ARHGAP44: variants seen among roughly 807,000 people sequenced by gnomAD.
ARHGAP44 encodes the protein Rho GTPase activating protein 44.
ARHGAP44 carries 43 observed loss-of-function variants against 106.8 expected under a neutral mutation model. The ratio of observed to expected loss-of-function variants is 0.40; its 90% CI spans 0.32 to 0.52. The LOEUF (loss-of-function observed/expected upper bound fraction) is 0.52. Among genes scored for constraint, ARHGAP44 ranks in the 20% least tolerant of loss-of-function variants. The pLI is 0.48. For missense variants in ARHGAP44, 866 were observed against 1,050.5 expected (o/e 0.82, Z 2.43); for synonymous variants, 439 against 410.3 (o/e 1.07, Z -0.85).
At chr17:12,798,085 T>C (rs1250124802) in intron 1 of ARHGAP44, among the ~76,000 whole-genome samples, 1 of 152,226 alleles carries the variant, frequency 6.6e-6, no homozygotes, top group Non-Finnish European at 1.5e-5. Context: ...TATTTTTAAA[T>C]ACTTTTTTTA....
At chr17:12,796,201 C>A (rs903669322) in intron 1 of ARHGAP44, among the ~76,000 whole-genome samples, 5 of 151,842 alleles carry the variant, frequency 3.3e-5, no homozygotes, top group African/African-American at 1.2e-4. Context: ...ACTCTGTATA[C>A]TGTTTTGTAA....
At chr17:12,926,006 G>A (rs1224283508) in intron 6 of ARHGAP44, among the ~76,000 whole-genome samples, 1 of 152,070 alleles carries the variant, frequency 6.6e-6, no homozygotes, top group African/African-American at 2.4e-5. Context: ...GTTTACCTTG[G>A]TATTTTGTTT....
chr17:12,890,926 G>T (rs1257607833), intron 1 of ARHGAP44, among the ~76,000 whole-genome samples: 1 of 152,104 alleles, frequency 6.6e-6, no homozygotes, highest in Non-Finnish European at 1.5e-5. Flanking sequence ...TAAAACCCTT[G>T]GGGATGGACA....
At chr17:12,968,474 C>T (rs1223068249) in intron 16 of ARHGAP44, among the ~76,000 whole-genome samples, 3 of 152,174 alleles carry the variant, frequency 2.0e-5, no homozygotes, top group Non-Finnish European at 1.5e-5. Context: ...GACAAGATGA[C>T]CCTTCTGACT....
intron 1 of ARHGAP44, among the ~76,000 whole-genome samples, chr17:12,815,622 A>G (rs1275296224): frequency 6.6e-6 from 1 of 152,194 alleles, no homozygotes; most frequent in African/African-American, 2.4e-5. Context: ...CTCCAAATCA[A>G]AGCAAGTAAG....
Position 12,941,122 on chromosome 17 carries a change from A to T in ARHGAP44, c.649A>T (p.Thr217Ser). The T allele has an allele frequency of 6.2e-7, 1 of 1,613,900 alleles. No individual in the cohort carries two copies. The highest frequency in any genetic ancestry group is 8.5e-7 in the Non-Finnish European group (1 of 1,179,772). ...AATTGACTATGCAAACTACTTTCAA[A>T]CGGTAAGTGCCCAGAAAGGTGAGAT... ...KEIDYANYFQ[T>S]LIEVQAEYHR... is the part of the protein sequence containing the mutation. The change falls in exon 8 of 21, where the codon ACG (threonine) becomes TCG (serine). Residue 217 changes from threonine to serine, a missense_variant and splice_region_variant. Thr to Ser is a moderately conservative substitution (Grantham distance 58). This residue lies in a region of ARHGAP44 where 448 missense variants were observed against 646.9 expected (regional missense o/e 0.69). Transcript: ENST00000379672.
rs541693275 is a variant in ARHGAP44 at position 12,841,240 on chromosome 17, C to G, written c.53+51349C>G. Among the ~76,000 whole-genome samples, 18 of 152,230 alleles carry G rather than the reference C, an allele frequency of 1.2e-4. No individual in the cohort carries two copies. In the East Asian group the frequency reaches 3.5e-3, roughly 29 times the overall value. On this transcript the variant is annotated intron_variant, in intron 1 of 20. Coordinates refer to ENST00000379672, the MANE Select transcript of ARHGAP44 (RefSeq NM_014859.6). Reference sequence around the variant, plus strand: ...AATATGCTATGGAGGAAATTCACCTCGAGAGTGAGGGCCCAGAACTAGGAA... The same window carrying G: ...AATATGCTATGGAGGAAATTCACCTGGAGAGTGAGGGCCCAGAACTAGGAA...
At chr17:12,845,212 T>TAA (rs11459997) in intron 1 of ARHGAP44, among the ~76,000 whole-genome samples, 9 of 151,716 alleles carry the variant, frequency 5.9e-5, no homozygotes, top group East Asian at 1.9e-4. Flanking sequence ...TCATTTACTT[T>TAA]AAAAAAAATC....
chr17:12,844,763 T>C (rs113321802), intron 1 of ARHGAP44, among the ~76,000 whole-genome samples: 4,274 of 152,282 alleles, frequency 0.028, 189 homozygotes, highest in African/African-American at 0.094. Flanking sequence ...TTTTTATTTA[T>C]TTTTATTTTT....
chr17:12,955,775 T>A, intron 13 of ARHGAP44, 92 bp from the exon 14 acceptor site: 1 of 716,798 alleles, frequency 1.4e-6, no homozygotes. Context: ...GTCAGTGAGA[T>A]ATGTGACATG....
At chr17:12,869,864 C>T (rs1282174669) in intron 1 of ARHGAP44, among the ~76,000 whole-genome samples, 3 of 151,836 alleles carry the variant, frequency 2.0e-5, no homozygotes, top group African/African-American at 7.3e-5. Context: ...AATAGCTTTA[C>T]ATGTCAAATA....
At chr17:12,848,536 A>T (rs895839759) in intron 1 of ARHGAP44, among the ~76,000 whole-genome samples, 6 of 151,642 alleles carry the variant, frequency 4.0e-5, no homozygotes, top group Admixed American at 2.6e-4. Flanking sequence ...TTCATGCCAA[A>T]ACCCGTGATT....
intron 16 of ARHGAP44, among the ~76,000 whole-genome samples, chr17:12,963,731 C>T (rs537440955): frequency 7.2e-5 from 11 of 152,158 alleles, no homozygotes; most frequent in Non-Finnish European, 1.6e-4. Context: ...GCCGGCCTTG[C>T]GAAGCCCTGC....
At chr17:12,947,277 A>C (rs1427324355) in intron 10 of ARHGAP44, among the ~76,000 whole-genome samples, 4 of 152,180 alleles carry the variant, frequency 2.6e-5, no homozygotes, top group African/African-American at 9.6e-5. Flanking sequence ...ACTTACTGCC[A>C]GCCTCCTTGG....
In ARHGAP44 at chr17:12,839,000, C is replaced by A. The variant is rs536289628; in HGVS notation, c.53+49109C>A. Among the ~76,000 whole-genome samples, 4 of 152,280 alleles carry A rather than the reference C, an allele frequency of 2.6e-5. No individual in the cohort carries two copies. In the South Asian group the frequency reaches 8.3e-4, roughly 32 times the overall value. ...GGGATTACAGACGTGAGGCACTGTG[C>A]CCGGCCCAATTTTAAAAACTGGTTT... On this transcript the variant is annotated intron_variant, in intron 1 of 20. Coordinates refer to ENST00000379672, the MANE Select transcript of ARHGAP44 (RefSeq NM_014859.6).
intron 7 of ARHGAP44, among the ~76,000 whole-genome samples, chr17:12,936,427 A>T (rs1466989102): frequency 6.6e-6 from 1 of 152,198 alleles, no homozygotes; most frequent in Non-Finnish European, 1.5e-5. Context: ...CCAGAAAGTC[A>T]TATAGCTGGA....
At chr17:12,847,813 T>G (rs557474507) in intron 1 of ARHGAP44, among the ~76,000 whole-genome samples, 1 of 152,338 alleles carries the variant, frequency 6.6e-6, no homozygotes, top group East Asian at 1.9e-4. Flanking sequence ...CCCATCACTC[T>G]TTTTAAAGGT....
At chr17:12,942,628 TTTTAAA>T (rs775359415) in intron 8 of ARHGAP44, among the ~76,000 whole-genome samples, 3 of 152,208 alleles carry the variant, frequency 2.0e-5, no homozygotes, top group East Asian at 3.8e-4. Context: ...ATATTCTGAT[TTTTAAA>T]AAAGTTCGTA....
chr17:12,818,347 A>AAAC (rs923628405), intron 1 of ARHGAP44, among the ~76,000 whole-genome samples: 1 of 151,302 alleles, frequency 6.6e-6, no homozygotes, highest in African/African-American at 2.4e-5. Flanking sequence ...AAAAAAAAAA[A>AAAC]AAAAAACAAC....
Sources: gnomAD v4.1 joint callset for allele counts (sites outside exome capture counted in the v4.1 genomes callset) on GRCh38, gnomAD v4.1.1 for gene constraint, gnomAD v4.1.1 regional missense constraint, MANE v1.5 for transcripts, NCBI Gene and HGNC (gene_info 2026-07-23, HGNC 2026-07-21) for gene names.